CEP112: variants seen among roughly 807,000 people sequenced by gnomAD.
The protein encoded by CEP112 is centrosomal protein 112.
Under a neutral mutation model 153.0 loss-of-function variants are expected in CEP112, and 127 were observed. That is an observed-to-expected ratio of 0.83 (90% CI 0.72 to 0.96). The LOEUF is 0.96. Among genes scored for constraint, CEP112 ranks in the 40% least tolerant of loss-of-function variants. The pLI is 0.00. For synonymous variants in CEP112, 358 were observed against 374.4 expected (o/e 0.96, Z 0.51); for missense variants, 1,089 against 1,101.2 (o/e 0.99, Z 0.16).
At chr17:65,906,429 TAAA>T (rs941490436) in intron 19 of CEP112, among the ~76,000 whole-genome samples, 3 of 151,924 alleles carry the variant, frequency 2.0e-5, no homozygotes, top group Non-Finnish European at 4.4e-5. Context: ...ATAATAATAA[TAAA>T]GAGTTAGAAA....
At chr17:66,149,737 G>C (rs990944631) in intron 4 of CEP112, among the ~76,000 whole-genome samples, 6 of 151,324 alleles carry the variant, frequency 4.0e-5, no homozygotes, top group African/African-American at 1.5e-4. Context: ...TCATTTTGCT[G>C]ATCTTTTCAA....
intron 21 of CEP112, among the ~76,000 whole-genome samples, chr17:65,800,734 G>A (rs1346434588): frequency 7.2e-5 from 11 of 152,092 alleles, no homozygotes; most frequent in African/African-American, 1.4e-4. Flanking sequence ...TGTAAAATAC[G>A]AAGATTCCAA....
chr17:65,899,492 A>T (rs1158750991), intron 20 of CEP112, among the ~76,000 whole-genome samples: 1 of 152,144 alleles, frequency 6.6e-6, no homozygotes, highest in African/African-American at 2.4e-5. Context: ...TTAAAACAGA[A>T]ATTATTAGAA....
chr17:65,829,211 T>C (rs8078889), intron 21 of CEP112, among the ~76,000 whole-genome samples: 1,665 of 152,358 alleles, frequency 0.011, 36 homozygotes, highest in African/African-American at 0.037. Context: ...TTAGTGGTCA[T>C]GTACTTTCTA....
intron 21 of CEP112, among the ~76,000 whole-genome samples, chr17:65,816,539 T>C (rs1568058648): frequency 6.6e-6 from 1 of 152,044 alleles, no homozygotes; most frequent in Non-Finnish European, 1.5e-5. Context: ...TTTAATGCTT[T>C]TTCTACATCT....
chr17:66,058,100 A>AC (rs2066773665), intron 11 of CEP112, among the ~76,000 whole-genome samples: 1 of 152,032 alleles, frequency 6.6e-6, no homozygotes, highest in Non-Finnish European at 1.5e-5. Flanking sequence ...AAAAAACAAA[A>AC]AAAAAAACTT....
intron 10 of CEP112, among the ~76,000 whole-genome samples, chr17:66,065,844 C>T (rs1443657272): frequency 5.9e-5 from 9 of 151,814 alleles, no homozygotes; most frequent in South Asian, 4.1e-4. Context: ...TTAGCCAGGA[C>T]GGTCTCGATC....
At chr17:65,845,943 G>A (rs1031170968) in intron 21 of CEP112, among the ~76,000 whole-genome samples, 1 of 152,110 alleles carries the variant, frequency 6.6e-6, no homozygotes, top group Non-Finnish European at 1.5e-5. Context: ...AGAAACTCAG[G>A]TAGGATGTGG....
At chr17:66,028,219 G>A in intron 15 of CEP112, 94 bp downstream of exon 15, 1 of 720,654 alleles carries the variant, frequency 1.4e-6, no homozygotes, top group Non-Finnish European at 2.4e-6. Flanking sequence ...CTGCATTTCT[G>A]AGTTTTATTT....
rs573948894 is a variant in CEP112, at chr17:65,715,267, G to A, written c.2608-26049C>T. On this transcript the variant is annotated intron_variant, in intron 23 of 26. Transcript: ENST00000535342. The stretch of plus-strand genomic sequence containing the variant: ...TATTCAGTCTGGAACCTGAAGAGAA[G>A]CCAGGGTCAGGTGCTCAGTCGGGAT... Among the ~76,000 whole-genome samples, 3 of 152,238 alleles carry A rather than the reference G, an allele frequency of 2.0e-5. No homozygotes were observed. In the East Asian group the frequency reaches 5.8e-4, roughly 29 times the overall value.
chr17:66,116,483 G>A (rs562764403), intron 6 of CEP112, among the ~76,000 whole-genome samples: 15 of 151,992 alleles, frequency 9.9e-5, no homozygotes, highest in Middle Eastern at 3.4e-3. Context: ...ATATCACTTT[G>A]GGCACATCAC....
intron 21 of CEP112, among the ~76,000 whole-genome samples, chr17:65,830,611 G>T (rs1439429136): frequency 6.6e-6 from 1 of 152,228 alleles, no homozygotes; most frequent in Non-Finnish European, 1.5e-5. Context: ...CCATATTAAA[G>T]AGACTGCTTG....
chr17:65,673,293 C>T lies in CEP112; in HGVS notation c.2697+15836G>A, dbSNP rs144470650. On this transcript the variant is annotated intron_variant, in intron 24 of 26. Transcript: ENST00000535342. ...CTCTCCCTCTTTAAAGTGGCAATGG[C>T]GCAATGGTTCTTAGGCTTCAAATCT... 1.8e-3 allele frequency among the ~76,000 whole-genome samples: 268 copies of T among 152,234 alleles called. 1 individual carries two copies. Among genetic ancestry groups the T allele is most frequent in the African/African-American group, 6.1e-3 (254 of 41,556 alleles).
At chr17:65,878,603 T>C (rs1280276854) in intron 20 of CEP112, among the ~76,000 whole-genome samples, 3 of 152,078 alleles carry the variant, frequency 2.0e-5, no homozygotes, top group Non-Finnish European at 4.4e-5. Context: ...TGTTGAGGAA[T>C]GGAACATGCT....
chr17:66,103,270 G>A (rs1353826328), intron 6 of CEP112, among the ~76,000 whole-genome samples: 1 of 151,506 alleles, frequency 6.6e-6, no homozygotes, highest in Non-Finnish European at 1.5e-5. Context: ...TTTAAGATTG[G>A]GAATGATACA....
chr17:65,862,589 AAAT>A (rs922598720), intron 20 of CEP112, among the ~76,000 whole-genome samples: 10 of 152,050 alleles, frequency 6.6e-5, no homozygotes, highest in African/African-American at 2.2e-4. Flanking sequence ...TCCACCTCAA[AAAT>A]AATAATAATA....
chr17:65,821,540 A>ATATATATTTT (rs1568067713), intron 21 of CEP112, among the ~76,000 whole-genome samples: 1 of 33,642 alleles, frequency 3.0e-5, no homozygotes, highest in African/African-American at 1.4e-4. Flanking sequence ...ATATATATAT[A>ATATATATTTT]TTTTTTTTTT....
intron 23 of CEP112, among the ~76,000 whole-genome samples, chr17:65,702,378 T>C (rs925845707): frequency 1.3e-5 from 2 of 152,184 alleles, no homozygotes; most frequent in African/African-American, 2.4e-5. Flanking sequence ...CATGTATCTA[T>C]CTGGACTTCT....
intron 3 of CEP112, among the ~76,000 whole-genome samples, chr17:66,176,045 T>C (rs370095532): frequency 6.6e-6 from 1 of 152,222 alleles, no homozygotes; most frequent in South Asian, 2.1e-4. Context: ...TCATTAAAAC[T>C]TTTGGCATTG....
Sources: gnomAD v4.1 joint callset for allele counts (sites outside exome capture counted in the v4.1 genomes callset) on GRCh38, gnomAD v4.1.1 for gene constraint, MANE v1.5 for transcripts, NCBI Gene and HGNC (gene_info 2026-07-23, HGNC 2026-07-21) for gene names.